Variants in DEFB121 observed in about 807,000 individuals in gnomAD.
DEFB121 encodes the protein beta-defensin 121.
A neutral mutation model predicts 2.5 loss-of-function variants in DEFB121; 5 were observed. That is an observed-to-expected ratio of 1.96 (90% CI 1.03 to 4.13). The LOEUF (loss-of-function observed/expected upper bound fraction) is 4.13. Ranked by LOEUF, DEFB121 falls within the 30% of genes most tolerant of loss-of-function variation. The pLI is 0.00. For synonymous variants in DEFB121, 39 were observed against 32.6 expected, an observed-to-expected ratio of 1.20 and a Z score of -0.67; for missense variants, 87 against 85.0, an observed-to-expected ratio of 1.02 and a Z score of -0.09.
the DEFB121 span, among the ~76,000 whole-genome samples, chr20:31,418,277 A>AAAAAAG: frequency 6.7e-6 from 1 of 148,850 alleles, no homozygotes; most frequent in Non-Finnish European, 1.5e-5. Context: ...AAAAAAAAAA[A>AAAAAAG]AAAAAGAAAA....
chr20:31,411,603 C>T (rs9784184), intron 1 of DEFB121, among the ~76,000 whole-genome samples: 3 of 150,422 alleles, frequency 2.0e-5, no homozygotes, highest in Non-Finnish European at 2.9e-5. Flanking sequence ...ATCTGAGGAG[C>T]GAATATGTGT....
intron 1 of DEFB121, among the ~76,000 whole-genome samples, chr20:31,411,331 T>C (rs1176141410): frequency 6.6e-6 from 1 of 152,218 alleles, no homozygotes; most frequent in Non-Finnish European, 1.5e-5. Flanking sequence ...AAGACTCCCA[T>C]TTCAAGCTCT....
upstream of DEFB121, among the ~76,000 whole-genome samples, chr20:31,406,576 T>G (rs527654506): frequency 6.6e-6 from 1 of 152,296 alleles, no homozygotes; most frequent in South Asian, 2.1e-4. Context: ...GGATGTCCCA[T>G]ATGTTGATGA....
upstream of DEFB121, among the ~76,000 whole-genome samples, chr20:31,408,142 T>C (rs1001035769): frequency 2.0e-5 from 3 of 152,154 alleles, no homozygotes; most frequent in Non-Finnish European, 2.9e-5. Context: ...ATCTTCTTTC[T>C]AACATGGAAG....
upstream of DEFB121, among the ~76,000 whole-genome samples, chr20:31,410,613 A>C (rs1203183108): frequency 1.3e-5 from 2 of 152,142 alleles, no homozygotes; most frequent in Non-Finnish European, 2.9e-5. Flanking sequence ...ACTAAAATAA[A>C]GTGCTATATT....
At chr20:31,406,019 C>T in intron 1 of DEFB121, 76 bp downstream of exon 1, 1 of 1,537,536 alleles carries the variant, frequency 6.5e-7, no homozygotes, top group South Asian at 1.1e-5. Context: ...CCAGCCCAAC[C>T]TGTCAGAGTC....
chr20:31,411,658 T>C (rs912173012), intron 1 of DEFB121, among the ~76,000 whole-genome samples: 3 of 151,588 alleles, frequency 2.0e-5, no homozygotes, highest in Admixed American at 6.6e-5. Flanking sequence ...AAATGGTACA[T>C]TAGGAAAATT....
chr20:31,416,971 T>C (rs1250578304), upstream of DEFB121, among the ~76,000 whole-genome samples: 1 of 152,142 alleles, frequency 6.6e-6, no homozygotes, highest in East Asian at 1.9e-4. Context: ...GGGAGACTGA[T>C]CTCAAGCAAA....
upstream of DEFB121, among the ~76,000 whole-genome samples, chr20:31,410,097 G>C (rs1978615727): frequency 3.9e-5 from 6 of 152,244 alleles, no homozygotes; most frequent in South Asian, 1.0e-3. Flanking sequence ...ATAAGCAACA[G>C]AATCCGATAA....
At chr20:31,417,474 C>T (rs1978839358), upstream of DEFB121, among the ~76,000 whole-genome samples, 1 of 151,760 alleles carries the variant, frequency 6.6e-6, no homozygotes, top group African/African-American at 2.4e-5. Context: ...TATAAGAAAA[C>T]CAGCAAATCA....
chr20:31,409,164 T>A (rs1198222967), upstream of DEFB121, among the ~76,000 whole-genome samples: 1 of 152,200 alleles, frequency 6.6e-6, no homozygotes, highest in Non-Finnish European at 1.5e-5. Flanking sequence ...TATTGCTGAT[T>A]TTCTTGGTAT....
chr20:31,407,074 C>T (rs908385010), upstream of DEFB121, among the ~76,000 whole-genome samples: 4 of 151,976 alleles, frequency 2.6e-5, no homozygotes, highest in Non-Finnish European at 5.9e-5. Flanking sequence ...AGTGAAACCC[C>T]GTCTCTACAA....
At chr20:31,405,927 C>T (rs935365619) in intron 1 of DEFB121, among the ~76,000 whole-genome samples, 168 bp downstream of exon 1, 3 of 151,982 alleles carry the variant, frequency 2.0e-5, no homozygotes, top group African/African-American at 7.2e-5. Flanking sequence ...CTGGGAAGAC[C>T]ATTTGGTACC....
upstream of DEFB121, among the ~76,000 whole-genome samples, chr20:31,417,067 C>T (rs1161868370): frequency 1.3e-5 from 2 of 152,094 alleles, no homozygotes; most frequent in Admixed American, 6.5e-5. Flanking sequence ...GAAAGAAGGC[C>T]GGGCGCAATG....
At chr20:31,412,123 A>G (rs1423002711) in intron 1 of DEFB121, among the ~76,000 whole-genome samples, 5 of 152,198 alleles carry the variant, frequency 3.3e-5, no homozygotes, top group African/African-American at 1.2e-4. Flanking sequence ...ATATATCTAC[A>G]TATCACTTCT....
chr20:31,411,006 T>A (rs1293936395), upstream of DEFB121, among the ~76,000 whole-genome samples: 1 of 152,190 alleles, frequency 6.6e-6, no homozygotes, highest in East Asian at 1.9e-4. Flanking sequence ...AACTCCATCA[T>A]AGCCCTGCAA....
chr20:31,408,889 G>A (rs953038146), upstream of DEFB121, among the ~76,000 whole-genome samples: 2 of 151,934 alleles, frequency 1.3e-5, no homozygotes, highest in Admixed American at 6.6e-5. Flanking sequence ...AGCCATGTGG[G>A]GTGGTGAGCA....
chr20:31,407,110 C>T (rs576499421), upstream of DEFB121, among the ~76,000 whole-genome samples: 4 of 151,938 alleles, frequency 2.6e-5, no homozygotes, highest in South Asian at 2.1e-4. Flanking sequence ...ATTAGCCGGG[C>T]GTGGTGGCTG....
chr20:31,413,232 C>T (rs962891844), upstream of DEFB121, among the ~76,000 whole-genome samples: 3 of 152,248 alleles, frequency 2.0e-5, no homozygotes, highest in African/African-American at 7.2e-5. Flanking sequence ...CTGTCCCTAA[C>T]ATGCTTACCG....
Sources: allele counts gnomAD v4.1 joint callset (sites outside exome capture counted in the v4.1 genomes callset), GRCh38; gene constraint gnomAD v4.1.1; transcripts MANE v1.5; gene names NCBI Gene and HGNC (gene_info 2026-07-23, HGNC 2026-07-21).